Variants in GPD2 observed in about 807,000 individuals in gnomAD.
GPD2 encodes glycerol-3-phosphate dehydrogenase, mitochondrial.
In GPD2, 54 loss-of-function variants were observed where a neutral mutation model predicts 82.4. The observed-to-expected ratio is 0.66, with a 90% CI of 0.53 to 0.82. The LOEUF is 0.82. Ranked by LOEUF, GPD2 falls within the 40% of genes least tolerant of loss-of-function variation. The probability of loss-of-function intolerance (pLI) is 0.00; values close to 1 mark genes in which losing one functional copy is unlikely to be tolerated. For missense variants in GPD2, 748 were observed against 896.2 expected (o/e 0.83, Z 2.11); for synonymous variants, 288 against 306.1 (o/e 0.94, Z 0.62).
rs368843419 is a variant in GPD2 at position 156,569,359 on chromosome 2, A to T, written c.1301-4A>T. 14 of 1,594,618 alleles carry T rather than the reference A, an allele frequency of 8.8e-6. No homozygotes were observed. Among genetic ancestry groups the T allele is most frequent in the Non-Finnish European group, 1.2e-5 (14 of 1,162,608 alleles). ...TGATGAATTGTCTATCAATTTCTTT[A>T]TAGGTGGAAAGTGGACAACTTATCG... On this transcript the variant is annotated splice_region_variant and splice_polypyrimidine_tract_variant and intron_variant, in intron 10 of 16. Coordinates refer to ENST00000438166, the MANE Select transcript of GPD2 (RefSeq NM_000408.5).
At chr2:156,549,469 C>A in intron 6 of GPD2, 139 bp from the exon 7 acceptor site, 1 of 788,272 alleles carries the variant, frequency 1.3e-6, no homozygotes, top group Admixed American at 1.8e-5. Flanking sequence ...TAAATTGTGC[C>A]CTGTCAAGCT....
In GPD2 at chr2:156,549,658, A is replaced by G; in HGVS notation, c.712A>G (p.Arg238Gly). ...CCTTGCCATTGCTCTGACTGCTGCC[A>G]GGTATGGGGCTGCCACAGCCAATTA... ...MNLAIALTAA[R>G]YGAATANYME... Residue 238 changes from arginine to glycine, a missense_variant, in exon 7 of 17, where the codon AGG (arginine) becomes GGG (glycine). Physicochemically the swap from Arg to Gly is moderately radical, Grantham distance 125 (BLOSUM62 -2). Transcript: ENST00000438166. 1 of 1,613,910 alleles carries G rather than the reference A, an allele frequency of 6.2e-7. No homozygotes were observed. Among genetic ancestry groups the G allele is most frequent in the East Asian group, 2.2e-5 (1 of 44,874 alleles).
At chr2:156,452,232 A>G (rs1417743705) in intron 1 of GPD2, among the ~76,000 whole-genome samples, 1 of 152,234 alleles carries the variant, frequency 6.6e-6, no homozygotes, top group Non-Finnish European at 1.5e-5. Flanking sequence ...TAGCGAGCCG[A>G]GATCACGCCA....
intron 2 of GPD2, among the ~76,000 whole-genome samples, 192 bp downstream of exon 2, chr2:156,476,399 A>G (rs1683513510): frequency 6.6e-6 from 1 of 152,220 alleles, no homozygotes; most frequent in African/African-American, 2.4e-5. Flanking sequence ...TTTTTTAAAA[A>G]GTGAATTTCT....
chr2:156,578,815 TC>T, intron 13 of GPD2, 73 bp from the exon 14 acceptor site: 1 of 871,208 alleles, frequency 1.1e-6, no homozygotes. Context: ...TTTCTGAAGA[TC>T]AACAGTAAAA....
chr2:156,403,114 C>CAAAAAAAAAAAA, the GPD2 span, among the ~76,000 whole-genome samples: 1 of 67,868 alleles, frequency 1.5e-5, no homozygotes, highest in African/African-American at 5.4e-5. Context: ...GCCCCTGTCT[C>CAAAAAAAAAAAA]AAAAAAAAAA....
At chr2:156,441,489 G>A (rs915983123) in intron 1 of GPD2, among the ~76,000 whole-genome samples, 2 of 152,156 alleles carry the variant, frequency 1.3e-5, no homozygotes, top group African/African-American at 4.8e-5. Context: ...GGGCCAGGAG[G>A]TCAAGGCTGC....
chr2:156,497,630 ATGAAT>A (rs1486396350), intron 3 of GPD2, among the ~76,000 whole-genome samples: 5 of 152,154 alleles, frequency 3.3e-5, no homozygotes, highest in South Asian at 4.1e-4. Context: ...TGGAAATGAA[ATGAAT>A]TTAATGAGGT....
At chr2:156,562,719 A>G (rs962660025) in intron 9 of GPD2, among the ~76,000 whole-genome samples, 1 of 152,228 alleles carries the variant, frequency 6.6e-6, no homozygotes, top group Non-Finnish European at 1.5e-5. Flanking sequence ...GAGTAAAAAT[A>G]TGAATTATAG....
At position 156,454,711 on chromosome 2, in the gene GPD2, G is replaced by A. The variant is rs542584925; in HGVS notation, c.-9+18198G>A. On this transcript the variant is annotated intron_variant, in intron 1 of 16. Transcript: ENST00000438166. ...GGCAGAGTGGGAGGGAGGGAGGCCT[G>A]GGAAGGTGAGAGATGGGGAAGATTG... Among the ~76,000 whole-genome samples the A allele has an allele frequency of 3.9e-5, 6 of 152,160 alleles. No homozygotes were observed. In the East Asian group the frequency reaches 1.2e-3, roughly 29 times the overall value.
chr2:156,437,242 T>C (rs1681969177), intron 1 of GPD2, among the ~76,000 whole-genome samples: 1 of 152,230 alleles, frequency 6.6e-6, no homozygotes, highest in African/African-American at 2.4e-5. Flanking sequence ...TATACTTGTA[T>C]AAATAGGTGA....
the GPD2 span, among the ~76,000 whole-genome samples, chr2:156,428,529 T>C: frequency 7.7e-3 from 1,180 of 152,332 alleles, 5 homozygotes; most frequent in Non-Finnish European, 0.012. Flanking sequence ...AAAAAGTTTC[T>C]AGATGCCCTG....
chr2:156,494,442 A>G (rs1356600263), intron 2 of GPD2, among the ~76,000 whole-genome samples: 1 of 152,254 alleles, frequency 6.6e-6, no homozygotes, highest in African/African-American at 2.4e-5. Context: ...ACCAGGTGCT[A>G]AATCCCAGGC....
intron 6 of GPD2, among the ~76,000 whole-genome samples, chr2:156,520,589 TTATTTATTTATTTTG>T (rs1685367384): frequency 6.7e-6 from 1 of 150,062 alleles, no homozygotes. Flanking sequence ...ATTTATTTAT[TTATTTATTTATTTTG>T]AGATGGAGTC....
chr2:156,526,020 T>A (rs185811718), intron 6 of GPD2, among the ~76,000 whole-genome samples: 182 of 152,294 alleles, frequency 1.2e-3, no homozygotes, highest in African/African-American at 4.2e-3. Context: ...CTGCCTACCA[T>A]TTTGTAGGTG....
intron 3 of GPD2, among the ~76,000 whole-genome samples, chr2:156,509,574 C>T (rs1165504659): frequency 1.3e-5 from 2 of 151,938 alleles, no homozygotes; most frequent in African/African-American, 2.4e-5. Context: ...TGGCTTTCAT[C>T]TCTCAACTCC....
intron 1 of GPD2, among the ~76,000 whole-genome samples, chr2:156,453,475 T>C (rs1317123206): frequency 2.0e-5 from 3 of 152,098 alleles, no homozygotes; most frequent in Non-Finnish European, 2.9e-5. Flanking sequence ...GGCTGGAGTC[T>C]GCGGAGTTGA....
chr2:156,579,106 A>C lies in GPD2; in HGVS notation c.1901A>C (p.Lys634Thr). The change falls in exon 15 of 17, where the codon AAG (lysine) becomes ACG (threonine). Residue 634 changes from lysine to threonine, a missense_variant. This residue lies in a region of GPD2 where 692 missense variants were observed against 809.7 expected (regional missense o/e 0.85). Coordinates refer to ENST00000438166, the MANE Select transcript of GPD2 (RefSeq NM_000408.5). Reference sequence around the variant, plus strand: ...TCCAGGTATAAGAAGAGATTTCATAAGTTTGATGCAGACCAGAAAGGCTTT... The same window carrying C: ...TCCAGGTATAAGAAGAGATTTCATACGTTTGATGCAGACCAGAAAGGCTTT... ...DIDRYKKRFHKFDADQKGFIT... is the reference protein window; with the variant it reads ...DIDRYKKRFHTFDADQKGFIT... 8 of 1,608,110 alleles carry C rather than the reference A, an allele frequency of 5.0e-6. No homozygotes were observed. The highest frequency in any genetic ancestry group is 6.8e-6 in the Non-Finnish European group (8 of 1,174,836).
the GPD2 span, among the ~76,000 whole-genome samples, chr2:156,404,686 CAAAA>C: frequency 1.6e-5 from 1 of 64,382 alleles, no homozygotes; most frequent in Non-Finnish European, 2.8e-5. Context: ...TTAAAAATAC[CAAAA>C]AAAAAAAAAA....
Sources: gnomAD v4.1 joint callset for allele counts (sites outside exome capture counted in the v4.1 genomes callset) on GRCh38, gnomAD v4.1.1 for gene constraint, gnomAD v4.1.1 regional missense constraint, MANE v1.5 for transcripts, NCBI Gene and HGNC (gene_info 2026-07-23, HGNC 2026-07-21) for gene names.